The following GGT7 variants were observed in gnomAD, a reference collection of about 807,000 sequenced individuals.
The protein encoded by GGT7 is glutathione hydrolase 7.
In GGT7, 30 loss-of-function variants were observed where a neutral mutation model predicts 69.2. That is an observed-to-expected ratio of 0.43 (90% CI 0.32 to 0.59). The LOEUF (loss-of-function observed/expected upper bound fraction) is 0.59. Ranked by LOEUF, GGT7 falls within the 20% of genes least tolerant of loss-of-function variation. The pLI is 0.05. For synonymous variants in GGT7, 388 were observed against 391.8 expected (o/e 0.99, Z 0.12); for missense variants, 733 against 901.1 (o/e 0.81, Z 2.39).
At chr20:34,862,724 T>C in intron 3 of GGT7, 90 bp downstream of exon 3, 2 of 1,305,236 alleles carry the variant, frequency 1.5e-6, no homozygotes, top group Non-Finnish European at 2.2e-6. Flanking sequence ...CAAAAGCCCC[T>C]CTCCCTAAGT....
intron 12 of GGT7, 31 bp downstream of exon 12, chr20:34,852,124 G>T: frequency 7.5e-7 from 1 of 1,336,904 alleles, no homozygotes; most frequent in Non-Finnish European, 1.1e-6. Context: ...AGGCCTCAGG[G>T]TCCCCAGGAA....
At chr20:34,870,631 A>AT (rs548929207) in intron 1 of GGT7, among the ~76,000 whole-genome samples, 4,504 of 142,922 alleles carry the variant, frequency 0.032, 80 homozygotes, top group Non-Finnish European at 0.034. Flanking sequence ...GGCCTGGCTA[A>AT]TTTTTTTTTT....
At chr20:34,848,501 C>T (rs1203631661) in intron 14 of GGT7, among the ~76,000 whole-genome samples, 2 of 152,226 alleles carry the variant, frequency 1.3e-5, no homozygotes. Context: ...CAGAGCCTCA[C>T]ATTCAACAGA....
chr20:34,851,195 C>T, intron 13 of GGT7, 36 bp downstream of exon 13: 1 of 1,609,008 alleles, frequency 6.2e-7, no homozygotes, highest in Non-Finnish European at 8.5e-7. Flanking sequence ...AGCTTGGCTC[C>T]CGGCTGAAAA....
chr20:34,858,533 A>C (rs1003478152), intron 7 of GGT7, among the ~76,000 whole-genome samples: 3 of 152,244 alleles, frequency 2.0e-5, no homozygotes, highest in Admixed American at 6.5e-5. Flanking sequence ...CCCATTGCTC[A>C]GATGAGAGAA....
chr20:34,851,399 C>CAGGT (rs749463286), intron 12 of GGT7, 31 bp from the exon 13 acceptor site: 5 of 1,591,090 alleles, frequency 3.1e-6, no homozygotes, highest in Non-Finnish European at 4.3e-6. Flanking sequence ...CCACAAGGGG[C>CAGGT]AGGTGGGGTG....
At chr20:34,870,560 C>T (rs965577043) in intron 1 of GGT7, among the ~76,000 whole-genome samples, 4 of 150,880 alleles carry the variant, frequency 2.7e-5, no homozygotes, top group East Asian at 2.0e-4. Flanking sequence ...GCGCGATCTT[C>T]GCTCACTGCA....
At chr20:34,860,536 C>T (rs1280016147) in intron 4 of GGT7, among the ~76,000 whole-genome samples, 4 of 151,772 alleles carry the variant, frequency 2.6e-5, no homozygotes, top group African/African-American at 4.8e-5. Context: ...TTTTAGCTGC[C>T]GTAGTTGGGG....
chr20:34,845,483 T>C lies in GGT7; in HGVS notation c.1834A>G (p.Thr612Ala), dbSNP rs187311051. ...TCCAGGAACTCAATCTCTTCCTCTG[T>C]GAACTCACCTGAAAACCATCCCCGA... is the stretch of plus-strand genomic sequence containing the variant. Reference protein sequence around the residue: ...SNLLQVDSEFTEEEIEFLEAR... With the variant: ...SNLLQVDSEFAEEEIEFLEAR... The change falls in exon 15 of 15, where the codon ACA becomes GCA. Residue 612 changes from threonine to alanine, a missense_variant. Coordinates refer to ENST00000336431, the MANE Select transcript of GGT7 (RefSeq NM_178026.3). 120 of 1,613,916 alleles carry C rather than the reference T, an allele frequency of 7.4e-5. 1 individual carries two copies. The African/African-American group carries it at 1.5e-3, about 20-fold the overall frequency.
At position 34,863,729 on chromosome 20, in the gene GGT7, G is replaced by A. The variant is rs1297601339; in HGVS notation, c.170-181C>T. ...CAGGACAGGCGGGGCAACGGTGCCC[G>A]GCTAGGAAGAGACAGGGACCTCCCC... On this transcript the variant is annotated intron_variant, in intron 1 of 14. Transcript: ENST00000336431. The surrounding 1 kb of genome is among the most constrained non-coding windows in gnomAD (Gnocchi z 4.4). 6 of 717,348 alleles carry A rather than the reference G, an allele frequency of 8.4e-6. No homozygotes were observed. Among genetic ancestry groups the A allele is most frequent in the East Asian group, 2.7e-5 (1 of 37,236 alleles). 44.4% of individuals were successfully genotyped at this position (717,348 alleles called of 1,614,324 possible). A position where few individuals can be genotyped will look rare whatever the true frequency, so the allele number is the denominator to read the frequency against.
At chr20:34,857,045 AGACACCTCAG>A (rs1262604661) in intron 7 of GGT7, 152 bp from the exon 8 acceptor site, 1 of 653,156 alleles carries the variant, frequency 1.5e-6, no homozygotes, top group Non-Finnish European at 2.8e-6. Context: ...CATTATCCCT[AGACACCTCAG>A]GAAAAAGGAA....
In GGT7 at chr20:34,845,418, G is replaced by C; in HGVS notation, c.1899C>G (p.Ser633=). 6.2e-7 allele frequency: 1 copy of C among 1,614,100 alleles called. No individual in the cohort carries two copies. Among genetic ancestry groups the C allele is most frequent in the Middle Eastern group, 1.6e-4 (1 of 6,062 alleles). Residue 633 remains serine (S), a synonymous_variant, in exon 15 of 15, where the codon TCC becomes TCG. Coordinates refer to ENST00000336431, the MANE Select transcript of GGT7 (RefSeq NM_178026.3). ...GHHVEKVDVL[S]WVHGSRRTNN... ...TGGTCCTTCGGCTGCCATGGACCCA[G>C]GATAAGACATCTACTTTCTCCACGT...
chr20:34,861,630 C>T (rs1351446302), intron 3 of GGT7, 68 bp from the exon 4 acceptor site: 6 of 933,830 alleles, frequency 6.4e-6, no homozygotes, highest in Non-Finnish European at 9.0e-6. Flanking sequence ...AATCTGCTGC[C>T]CCTCCACCCC....
intron 14 of GGT7, among the ~76,000 whole-genome samples, chr20:34,847,628 TTCTTTAATGGAGAAAGCAG>T (rs2079321866): frequency 6.6e-6 from 1 of 152,232 alleles, no homozygotes; most frequent in African/African-American, 2.4e-5. Context: ...CCTAATCTCC[TTCTTTAATGGAGAAAGCAG>T]TCTCAGAGCC....
intron 14 of GGT7, 110 bp downstream of exon 14, chr20:34,849,851 A>G: frequency 1.6e-6 from 1 of 621,606 alleles, no homozygotes; most frequent in Non-Finnish European, 2.8e-6. Flanking sequence ...GCCAAATAAA[A>G]CCAAACTTCA....
At chr20:34,857,414 G>C (rs1293350720) in intron 7 of GGT7, among the ~76,000 whole-genome samples, 1 of 152,154 alleles carries the variant, frequency 6.6e-6, no homozygotes, top group African/African-American at 2.4e-5. Context: ...AGTGATCCTA[G>C]AAGGACTGAC....
intron 8 of GGT7, 144 bp from the exon 9 acceptor site, chr20:34,855,067 G>T: frequency 1.4e-6 from 1 of 738,142 alleles, no homozygotes. Context: ...ACATTGAGAG[G>T]CAAAGAGACT....
chr20:34,858,820 G>A (rs1023922517), intron 7 of GGT7, among the ~76,000 whole-genome samples: 22 of 152,170 alleles, frequency 1.4e-4, no homozygotes, highest in African/African-American at 4.3e-4. Flanking sequence ...GACATGACAA[G>A]CCCCTGCACA....
intron 4 of GGT7, 107 bp downstream of exon 4, chr20:34,861,338 C>T (rs1555875457): frequency 3.8e-6 from 2 of 525,760 alleles, no homozygotes; most frequent in Non-Finnish European, 6.8e-6. Context: ...CTGCTCAACT[C>T]TTTTTCCCAC....
Sources: gnomAD v4.1 joint callset for allele counts (sites outside exome capture counted in the v4.1 genomes callset) on GRCh38, gnomAD v4.1.1 for gene constraint, Gnocchi (gnomAD v3.1) non-coding constraint, MANE v1.5 for transcripts, NCBI Gene and HGNC (gene_info 2026-07-23, HGNC 2026-07-21) for gene names.